SLC33A1: variants seen among roughly 807,000 people sequenced by gnomAD.
SLC33A1 encodes the protein acetyl-coenzyme A transporter 1.
A neutral mutation model predicts 50.0 loss-of-function variants in SLC33A1; 20 were observed. That is an observed-to-expected ratio of 0.40 (90% confidence interval 0.28 to 0.58). The LOEUF is 0.58. Among genes scored for constraint, SLC33A1 ranks in the 20% least tolerant of loss-of-function variants. SLC33A1 has a pLI of 0.44. For synonymous variants in SLC33A1, 265 were observed against 251.8 expected, an observed-to-expected ratio of 1.05 and a Z score of -0.50; for missense variants, 476 against 657.0, an observed-to-expected ratio of 0.72 and a Z score of 3.01.
Position 155,854,140 on chromosome 3 carries a change from A to C in SLC33A1, c.-143T>G. On this transcript the variant is annotated 5_prime_UTR_variant, in exon 1 of 6. Transcript: ENST00000643144. ...TGGCAGGGCTCAGAGCGATAAGGGC[A>C]CTTCTTACTGCAGCCCGGAGTGCTG... is the stretch of plus-strand genomic sequence containing the variant. 1 of 606,690 alleles carries C rather than the reference A, an allele frequency of 1.6e-6. No homozygotes were observed. The highest frequency in any genetic ancestry group is 2.7e-6 in the Non-Finnish European group (1 of 365,686). 37.6% of individuals were successfully genotyped at this position (606,690 alleles called of 1,614,324 possible).
chr3:155,833,382 T>C (rs930360584), intron 4 of SLC33A1, 86 bp downstream of exon 4: 6 of 789,668 alleles, frequency 7.6e-6, no homozygotes, highest in Admixed American at 5.4e-5. Context: ...AAATTTATTA[T>C]CATTATTTTA....
intron 4 of SLC33A1, 120 bp from the exon 5 acceptor site, chr3:155,830,023 T>A: frequency 1.4e-6 from 1 of 710,690 alleles, no homozygotes; most frequent in Non-Finnish European, 2.4e-6. Flanking sequence ...TTGAACTCAA[T>A]TCAACAAATA....
At position 155,828,240 on chromosome 3, in the gene SLC33A1, T is replaced by C. The variant is rs775887828; in HGVS notation, c.1620A>G (p.Ser540=). 5.0e-6 allele frequency: 8 copies of C among 1,613,256 alleles called. No individual in the cohort carries two copies. Among genetic ancestry groups the C allele is most frequent in the Non-Finnish European group, 6.8e-6 (8 of 1,179,374 alleles). Residue 540 remains serine (S), a synonymous_variant, in exon 6 of 6, where the codon TCA becomes TCG. Transcript: ENST00000643144. ...TGTTCCTTTTGCATTTCCACGAAGA[T>C]GATCCTTCATCCTGTAACTTTTTAA... is the stretch of plus-strand genomic sequence containing the variant. The part of the protein sequence containing the change: ...PKFKKLQDEG[S]SSWKCKRNN
In SLC33A1 at chr3:155,821,559, C is replaced by G. The variant is rs376884449; in HGVS notation, c.*6651G>C. 1.3e-5 allele frequency: 2 copies of G among 152,126 alleles called. No individual in the cohort carries two copies. Among genetic ancestry groups the G allele is most frequent in the Non-Finnish European group, 2.9e-5 (2 of 68,148 alleles). 9.4% of individuals were successfully genotyped at this position (152,126 alleles called of 1,614,324 possible). A position where few individuals can be genotyped will look rare whatever the true frequency, so the allele number is the denominator to read the frequency against. On this transcript the variant is annotated 3_prime_UTR_variant, in exon 6 of 6. Coordinates refer to ENST00000643144, the MANE Select transcript of SLC33A1 (RefSeq NM_004733.4). ...TCGGCTCACCGCAACCCCTGCCTCC[C>G]GGGTTCAAGCGATTCTCCTGCCTCA...
chr3:155,853,096 C>T, intron 1 of SLC33A1, 127 bp downstream of exon 1: 1 of 851,874 alleles, frequency 1.2e-6, no homozygotes. Flanking sequence ...TTGGACGAAA[C>T]AGAAAACTTA....
In SLC33A1 at chr3:155,827,269, A is replaced by C. The variant is rs1216656669; in HGVS notation, c.*941T>G. On this transcript the variant is annotated 3_prime_UTR_variant, in exon 6 of 6. Coordinates refer to ENST00000643144, the MANE Select transcript of SLC33A1 (RefSeq NM_004733.4). ...TTTTAAATTATGGTACTGCCCATTT[A>C]AATTTTACTTAATCAGAAAGCTTTA... The C allele has an allele frequency of 2.6e-5, 4 of 152,196 alleles. No homozygotes were observed. Among genetic ancestry groups the C allele is most frequent in the Non-Finnish European group, 5.9e-5 (4 of 68,016 alleles). The allele number at this position is 152,196 out of a possible 1,614,324, so 9.4% of individuals were successfully genotyped here. A position where few individuals can be genotyped will look rare whatever the true frequency, so the allele number is the denominator to read the frequency against.
At chr3:155,830,352 G>A (rs544858572) in intron 4 of SLC33A1, among the ~76,000 whole-genome samples, 15 of 151,716 alleles carry the variant, frequency 9.9e-5, no homozygotes, top group East Asian at 7.7e-4. Context: ...CAGCCTGGGC[G>A]ACAGAGGGAG....
At chr3:155,849,616 A>T (rs1051576586) in intron 1 of SLC33A1, among the ~76,000 whole-genome samples, 1 of 151,890 alleles carries the variant, frequency 6.6e-6, no homozygotes, top group South Asian at 2.1e-4. Flanking sequence ...AATTCAAAAT[A>T]ACAAGTGACA....
chr3:155,832,689 C>A (rs1224799940), intron 4 of SLC33A1, among the ~76,000 whole-genome samples: 1 of 107,026 alleles, frequency 9.3e-6, no homozygotes, highest in Admixed American at 1.4e-4. Flanking sequence ...ATTAGCCGGG[C>A]GTGGGCAGTG....
chr3:155,841,609 A>T (rs1264324627), intron 2 of SLC33A1, among the ~76,000 whole-genome samples: 1 of 152,138 alleles, frequency 6.6e-6, no homozygotes, highest in Non-Finnish European at 1.5e-5. Flanking sequence ...TAAAATTGAG[A>T]CACCTTAATA....
intron 5 of SLC33A1, among the ~76,000 whole-genome samples, chr3:155,828,905 T>G (rs553120575): frequency 0.19 from 28,628 of 150,194 alleles, 7,203 homozygotes; most frequent in African/African-American, 0.58. Context: ...TGTTTTTTTT[T>G]TTTTTTTTTT....
chr3:155,832,957 G>C (rs949450542), intron 4 of SLC33A1, among the ~76,000 whole-genome samples: 6 of 151,732 alleles, frequency 4.0e-5, no homozygotes, highest in Non-Finnish European at 8.8e-5. Context: ...GAATGAATAA[G>C]AAAGTCTCTT....
In SLC33A1 at chr3:155,853,369, A is replaced by G; in HGVS notation, c.629T>C (p.Val210Ala). ...CGAATTGCAAGTAGAAGCATAACCC[A>G]CATTTTCCCTGGATAACATAGTTAA... Reference protein sequence around the residue: ...WALTMLSRENVGYASTCNSVG... With the variant: ...WALTMLSRENAGYASTCNSVG... Residue 210 changes from valine (V) to alanine (A), a missense_variant, in exon 1 of 6, where the codon GTG becomes GCG. By Grantham distance (64) the Val-to-Ala change is moderately conservative. Coordinates refer to ENST00000643144, the MANE Select transcript of SLC33A1 (RefSeq NM_004733.4). 6.2e-7 allele frequency: 1 copy of G among 1,614,146 alleles called. No individual in the cohort carries two copies. The highest frequency in any genetic ancestry group is 8.5e-7 in the Non-Finnish European group (1 of 1,180,028).
intron 4 of SLC33A1, 72 bp from the exon 5 acceptor site, chr3:155,829,975 C>T (rs927794300): frequency 2.1e-6 from 2 of 973,070 alleles, no homozygotes; most frequent in Non-Finnish European, 3.2e-6. Flanking sequence ...TTAAGAACAT[C>T]AAAGTCATAA....
chr3:155,851,714 G>C (rs558529808), intron 1 of SLC33A1, among the ~76,000 whole-genome samples: 1 of 151,966 alleles, frequency 6.6e-6, no homozygotes, highest in African/African-American at 2.4e-5. Context: ...CACTGTGCCC[G>C]GCCAGCAGTG....
At position 155,853,713 on chromosome 3, in the gene SLC33A1, G is replaced by T. The variant is rs1156764445; in HGVS notation, c.285C>A (p.Ile95=). ...CATTTTTGCTTTGCAAAATGAGTGG[G>T]ATGCTTCCCGCCAAGCCCAGGGGAA... ...QGIPLGLAGS[I]PLILQSKNVS... is the part of the protein sequence containing the mutation. The change falls in exon 1 of 6, where the codon ATC becomes ATA. Residue 95 remains isoleucine (I), a synonymous_variant. Coordinates refer to ENST00000643144, the MANE Select transcript of SLC33A1 (RefSeq NM_004733.4). 1 of 1,614,136 alleles carries T rather than the reference G, an allele frequency of 6.2e-7. No individual in the cohort carries two copies. Among genetic ancestry groups the T allele is most frequent in the South Asian group, 1.1e-5 (1 of 91,080 alleles).
intron 2 of SLC33A1, among the ~76,000 whole-genome samples, chr3:155,839,843 G>T (rs1489678246): frequency 6.6e-6 from 1 of 151,748 alleles, no homozygotes; most frequent in Non-Finnish European, 1.5e-5. Flanking sequence ...AGCTACTCGG[G>T]AGGCTGAGGC....
intron 2 of SLC33A1, among the ~76,000 whole-genome samples, chr3:155,836,739 A>AT (rs909593939): frequency 5.3e-5 from 8 of 151,856 alleles, no homozygotes; most frequent in Non-Finnish European, 4.4e-5. Flanking sequence ...TCTACAAAAT[A>AT]TTTTTTTTAA....
Position 155,854,018 on chromosome 3 carries a change from C to G in SLC33A1, c.-21G>C, listed in dbSNP as rs1444431358. 13 of 1,529,686 alleles carry G rather than the reference C, an allele frequency of 8.5e-6. No individual in the cohort carries two copies. Among genetic ancestry groups the G allele is most frequent in the Non-Finnish European group, 1.1e-5 (13 of 1,142,970 alleles). 94.8% of individuals were successfully genotyped at this position (1,529,686 alleles called of 1,614,324 possible). A position where few individuals can be genotyped will look rare whatever the true frequency, so the allele number is the denominator to read the frequency against. On this transcript the variant is annotated 5_prime_UTR_variant, in exon 1 of 6. Transcript: ENST00000643144. Reference sequence around the variant, plus strand: ...GACATATCAGAGACGATGCAGAGCCCCGTCTGTGGGGGGCCGAGGCTGAGC... The same window carrying G: ...GACATATCAGAGACGATGCAGAGCCGCGTCTGTGGGGGGCCGAGGCTGAGC...
Sources: gnomAD v4.1 joint callset for allele counts (sites outside exome capture counted in the v4.1 genomes callset) on GRCh38, gnomAD v4.1.1 for gene constraint, MANE v1.5 for transcripts, NCBI Gene and HGNC (gene_info 2026-07-23, HGNC 2026-07-21) for gene names.